The following ILDR2 variants were observed in gnomAD, a reference collection of about 807,000 sequenced individuals.
ILDR2 encodes the protein immunoglobulin like domain containing receptor 2, also known as immunoglobulin-like domain-containing receptor 2.
A neutral mutation model predicts 66.8 loss-of-function variants in ILDR2; 25 were observed. That is an observed-to-expected ratio of 0.37 (90% CI 0.27 to 0.52). The LOEUF (loss-of-function observed/expected upper bound fraction) is 0.52, where lower values mean the gene tolerates loss of function less well. ILDR2 is among the 20% of genes least tolerant of loss of function. The pLI, the probability that ILDR2 is intolerant of heterozygous loss-of-function variation, is 0.88. For synonymous variants in ILDR2, 367 were observed against 357.2 expected (o/e 1.03, Z -0.31); for missense variants, 827 against 876.8 (o/e 0.94, Z 0.72).
intron 3 of ILDR2, among the ~76,000 whole-genome samples, chr1:166,943,297 C>A (rs1235050679): frequency 1.3e-5 from 2 of 151,954 alleles, no homozygotes; most frequent in Non-Finnish European, 2.9e-5. Flanking sequence ...TCGATACCAT[C>A]CTGGCTAACA....
Position 166,939,513 on chromosome 1 carries a change from C to T in ILDR2, c.556+1G>A. ...AAATAAAGAGTTAAATGACCGAATA[C>T]CTGGCATAATCTCCACAGCAAAACT... On this transcript the variant is annotated splice_donor_variant, in intron 4 of 9. Transcript: ENST00000271417. LOFTEE classifies it high-confidence loss of function. The T allele has an allele frequency of 6.2e-7, 1 of 1,612,874 alleles. No homozygotes were observed. The highest frequency in any genetic ancestry group is 8.5e-7 in the Non-Finnish European group (1 of 1,178,886).
intron 3 of ILDR2, chr1:166,943,893 T>C: frequency 1.0e-6 from 1 of 960,546 alleles, no homozygotes; most frequent in Non-Finnish European, 1.2e-6. Context: ...CCACATTTAC[T>C]CTTTTCAAAC....
Position 166,918,960 on chromosome 1 carries a change from G to C in ILDR2, c.*395C>G. The C allele has an allele frequency of 2.9e-6, 1 of 347,992 alleles. No homozygotes were observed. Among genetic ancestry groups the C allele is most frequent in the Admixed American group, 4.4e-5 (1 of 22,626 alleles). 21.6% of individuals were successfully genotyped at this position (347,992 alleles called of 1,614,324 possible). ...ATAAATTCTTCTGTCTCTAAGTATA[G>C]CACAGGAGGTATAGAAAAGCATATT... On this transcript the variant is annotated 3_prime_UTR_variant, in exon 10 of 10. Coordinates refer to ENST00000271417, the MANE Select transcript of ILDR2 (RefSeq NM_199351.3).
At chr1:166,973,410 TC>T (rs1196810731) in intron 1 of ILDR2, among the ~76,000 whole-genome samples, 2 of 152,178 alleles carry the variant, frequency 1.3e-5, no homozygotes, top group African/African-American at 4.8e-5. Context: ...TCTCTAGGAC[TC>T]CATCTCTATA....
At chr1:166,920,618 T>A in intron 9 of ILDR2, 89 bp downstream of exon 9, 1 of 1,300,560 alleles carries the variant, frequency 7.7e-7, no homozygotes, top group Non-Finnish European at 9.8e-7. Context: ...CCTCGCCACC[T>A]CCCCGGCCCC....
intron 7 of ILDR2, 27 bp downstream of exon 7, chr1:166,927,040 G>T: frequency 1.3e-6 from 2 of 1,520,952 alleles, no homozygotes; most frequent in South Asian, 1.1e-5. Context: ...ATAATGCACA[G>T]ATCACAGAAA....
At chr1:166,897,300 G>T (rs1659183913) in intron 2 of ILDR2, among the ~76,000 whole-genome samples, 1 of 152,190 alleles carries the variant, frequency 6.6e-6, no homozygotes, top group African/African-American at 2.4e-5. Flanking sequence ...CTGTGGGTGT[G>T]TGTTGTATAT....
In ILDR2 at chr1:166,919,004, T is replaced by C. The variant is rs1354290555; in HGVS notation, c.*351A>G. 6 of 410,284 alleles carry C rather than the reference T, an allele frequency of 1.5e-5. No homozygotes were observed. Among genetic ancestry groups the C allele is most frequent in the South Asian group, 1.0e-4 (1 of 9,816 alleles). 25.4% of individuals were successfully genotyped at this position (410,284 alleles called of 1,614,324 possible). On this transcript the variant is annotated 3_prime_UTR_variant, in exon 10 of 10. Coordinates refer to ENST00000271417, the MANE Select transcript of ILDR2 (RefSeq NM_199351.3). ...GCATATTGTAGGCATAGGCAATTTC[T>C]GGAGTTTAGCAGTCCAGAGCTAACT...
chr1:166,919,497 G>T, intron 9 of ILDR2, 107 bp from the exon 10 acceptor site: 1 of 973,704 alleles, frequency 1.0e-6, no homozygotes. Context: ...TCAGTGCCAG[G>T]CACCCCTGAT....
At position 166,911,444 on chromosome 1, in the gene ILDR2, T is replaced by C. The variant is rs1202091412; in HGVS notation, c.*7911A>G. Reference sequence around the variant, plus strand: ...GCAGATAAGGAGCAAGAAAGGTTTTTCTTGACTGGCACAATGTAATATGGC... The same window carrying C: ...GCAGATAAGGAGCAAGAAAGGTTTTCCTTGACTGGCACAATGTAATATGGC... On this transcript the variant is annotated 3_prime_UTR_variant, in exon 10 of 10. Coordinates refer to ENST00000271417, the MANE Select transcript of ILDR2 (RefSeq NM_199351.3). 3 of 152,166 alleles carry C rather than the reference T, an allele frequency of 2.0e-5. No individual in the cohort carries two copies. Among genetic ancestry groups the C allele is most frequent in the Admixed American group, 1.3e-4 (2 of 15,264 alleles). 9.4% of individuals were successfully genotyped at this position (152,166 alleles called of 1,614,324 possible).
At position 166,911,040 on chromosome 1, in the gene ILDR2, G is replaced by A. The variant is rs1400772020; in HGVS notation, c.*8315C>T. On this transcript the variant is annotated 3_prime_UTR_variant, in exon 10 of 10. Coordinates refer to ENST00000271417, the MANE Select transcript of ILDR2 (RefSeq NM_199351.3). ...GTCTCCCTAACTGTTGGGATTTCAG[G>A]TGTGAGCCACAGGGCCCGGCCTTCC... 1 of 152,124 alleles carries A rather than the reference G, an allele frequency of 6.6e-6. No individual in the cohort carries two copies. Among genetic ancestry groups the A allele is most frequent in the East Asian group, 1.9e-4 (1 of 5,188 alleles). 9.4% of individuals were successfully genotyped at this position (152,124 alleles called of 1,614,324 possible).
intron 3 of ILDR2, among the ~76,000 whole-genome samples, chr1:166,950,457 C>G (rs1014123352): frequency 1.3e-5 from 2 of 152,068 alleles, no homozygotes; most frequent in African/African-American, 2.4e-5. Context: ...TCTGAAGAGA[C>G]TGAACTAAAG....
chr1:166,905,631 C>T (rs1400666405), downstream of ILDR2, among the ~76,000 whole-genome samples: 1 of 152,168 alleles, frequency 6.6e-6, no homozygotes, highest in Admixed American at 6.5e-5. Context: ...ATACACATAG[C>T]TTATACTTTT....
chr1:166,960,652 T>C (rs1302726195), intron 1 of ILDR2, among the ~76,000 whole-genome samples: 3 of 152,098 alleles, frequency 2.0e-5, no homozygotes, highest in African/African-American at 7.2e-5. Flanking sequence ...TCCTGAATCT[T>C]GATAACCATA....
At chr1:166,939,625 T>G in intron 3 of ILDR2, 55 bp from the exon 4 acceptor site, 1 of 1,513,826 alleles carries the variant, frequency 6.6e-7, no homozygotes, top group South Asian at 1.1e-5. Flanking sequence ...AGGGAAAACA[T>G]AGCCTAAAGC....
chr1:166,919,234 G>T lies in ILDR2; in HGVS notation c.*121C>A. 1 of 927,744 alleles carries T rather than the reference G, an allele frequency of 1.1e-6. No individual in the cohort carries two copies. The highest frequency in any genetic ancestry group is 1.7e-6 in the Non-Finnish European group (1 of 585,852). 57.5% of individuals were successfully genotyped at this position (927,744 alleles called of 1,614,324 possible). On this transcript the variant is annotated 3_prime_UTR_variant, in exon 10 of 10. Coordinates refer to ENST00000271417, the MANE Select transcript of ILDR2 (RefSeq NM_199351.3). ...GCCTGCCATCCCTTGCCAAAGCAGA[G>T]ATCAGCAAATCTTCCAAGGTGATGG...
At chr1:166,951,630 A>G (rs932626449) in intron 3 of ILDR2, among the ~76,000 whole-genome samples, 2 of 152,184 alleles carry the variant, frequency 1.3e-5, no homozygotes, top group African/African-American at 4.8e-5. Flanking sequence ...TTTTTCTAAA[A>G]CAGAAACAAT....
intron 1 of ILDR2, among the ~76,000 whole-genome samples, chr1:166,974,745 T>G (rs1406457600): frequency 6.6e-6 from 1 of 152,072 alleles, no homozygotes; most frequent in Non-Finnish European, 1.5e-5. Flanking sequence ...TGGGTCCCCC[T>G]CCTTCTCTAG....
At chr1:166,896,346 A>G (rs918123036) in intron 2 of ILDR2, among the ~76,000 whole-genome samples, 4 of 152,108 alleles carry the variant, frequency 2.6e-5, no homozygotes, top group Non-Finnish European at 5.9e-5. Context: ...GGATGGCAGG[A>G]GATGGGATAC....
Sources: gnomAD v4.1 joint callset for allele counts (sites outside exome capture counted in the v4.1 genomes callset) on GRCh38, gnomAD v4.1.1 for gene constraint, MANE v1.5 for transcripts, NCBI Gene and HGNC (gene_info 2026-07-23, HGNC 2026-07-21) for gene names.